Variants in KIFC3 observed in about 807,000 individuals in gnomAD.
KIFC3 encodes the protein kinesin family member C3.
KIFC3 carries 60 observed loss-of-function variants against 101.8 expected under a neutral mutation model. The observed-to-expected ratio is 0.59, with a 90% CI of 0.48 to 0.73. The LOEUF (loss-of-function observed/expected upper bound fraction) is 0.73. Among genes scored for constraint, KIFC3 ranks in the 30% least tolerant of loss-of-function variants. KIFC3 has a pLI of 0.00. For missense variants in KIFC3, 966 were observed against 1,137.1 expected (o/e 0.85, Z 2.16); for synonymous variants, 476 against 482.7 (o/e 0.99, Z 0.18).
chr16:57,797,993 G>T (rs1451165082), intron 2 of KIFC3, 79 bp downstream of exon 2: 4 of 1,548,476 alleles, frequency 2.6e-6, no homozygotes, highest in Non-Finnish European at 3.5e-6. Flanking sequence ...CTTAGGAACC[G>T]GTGAGAAACC....
chr16:57,788,812 C>T, intron 3 of KIFC3: 1 of 1,171,150 alleles, frequency 8.5e-7, no homozygotes, highest in Non-Finnish European at 1.1e-6. Flanking sequence ...GCAAGGATCC[C>T]AGGGCCCAGC....
chr16:57,767,849 A>C (rs192894195), intron 9 of KIFC3, among the ~76,000 whole-genome samples: 134 of 151,900 alleles, frequency 8.8e-4, no homozygotes, highest in African/African-American at 3.0e-3. Context: ...GTTTTTTTAT[A>C]TTTTTTTGTA....
intron 1 of KIFC3, 192 bp from the exon 2 acceptor site, chr16:57,798,474 G>T: frequency 3.3e-6 from 2 of 608,160 alleles, no homozygotes; most frequent in East Asian, 2.9e-5. Context: ...CCTTTTGGGG[G>T]TATTTGTTTC....
At chr16:57,841,184 C>T (rs2055803118) in intron 1 of KIFC3, among the ~76,000 whole-genome samples, 1 of 152,118 alleles carries the variant, frequency 6.6e-6, no homozygotes, top group Non-Finnish European at 1.5e-5. Flanking sequence ...AAAAATAATT[C>T]AAAGGAGGAC....
intron 4 of KIFC3, 149 bp downstream of exon 4, chr16:57,772,074 G>A (rs927550721): frequency 2.7e-5 from 19 of 703,836 alleles, no homozygotes; most frequent in Admixed American, 7.4e-5. Context: ...GGTACTAGGA[G>A]GTGGGGATAA....
At chr16:57,770,112 C>A (rs1287236593) in intron 7 of KIFC3, among the ~76,000 whole-genome samples, 157 bp from the exon 8 acceptor site, 1 of 152,206 alleles carries the variant, frequency 6.6e-6, no homozygotes, top group African/African-American at 2.4e-5. Flanking sequence ...TGTCTCCCTC[C>A]CCCTACAGGG....
At chr16:57,799,902 G>A (rs1226991068) in intron 1 of KIFC3, among the ~76,000 whole-genome samples, 3 of 152,158 alleles carry the variant, frequency 2.0e-5, no homozygotes, top group Non-Finnish European at 4.4e-5. Context: ...CAGGCAGAAA[G>A]CCTGAGCCTG....
intron 3 of KIFC3, chr16:57,776,305 A>G (rs1443351312): frequency 4.1e-6 from 4 of 985,338 alleles, no homozygotes; most frequent in Non-Finnish European, 4.8e-6. Flanking sequence ...GAGCCCACAG[A>G]AGGCCTGATC....
chr16:57,832,437 C>T (rs1232060423), intron 1 of KIFC3, among the ~76,000 whole-genome samples: 1 of 149,602 alleles, frequency 6.7e-6, no homozygotes, highest in Admixed American at 6.8e-5. Flanking sequence ...GATTCTCCTG[C>T]CTGAGCCTCC....
At chr16:57,836,049 G>GAACA (rs2055678821) in intron 1 of KIFC3, among the ~76,000 whole-genome samples, 2 of 152,160 alleles carry the variant, frequency 1.3e-5, no homozygotes, top group Non-Finnish European at 2.9e-5. Context: ...GGGAAACCCA[G>GAACA]TCGCCAGCCT....
intron 13 of KIFC3, 103 bp from the exon 14 acceptor site, chr16:57,761,639 C>G: frequency 3.7e-6 from 5 of 1,362,098 alleles, no homozygotes; most frequent in Non-Finnish European, 5.1e-6. Flanking sequence ...CCCAGGAAGC[C>G]TTCTCCAGCC....
At chr16:57,805,567 C>A (rs1444778981), upstream of KIFC3, among the ~76,000 whole-genome samples, 2 of 152,026 alleles carry the variant, frequency 1.3e-5, no homozygotes, top group African/African-American at 4.8e-5. Flanking sequence ...GTGTCCAGAA[C>A]ACTGCAATTC....
At chr16:57,816,306 C>T (rs1555628781) in intron 1 of KIFC3, 11 of 1,217,628 alleles carry the variant, frequency 9.0e-6, no homozygotes, top group Admixed American at 2.3e-5. Flanking sequence ...TAAGGAAGTG[C>T]GGTGGGATCT....
chr16:57,817,982 T>C (rs1390206350), intron 1 of KIFC3, among the ~76,000 whole-genome samples: 1 of 152,110 alleles, frequency 6.6e-6, no homozygotes, highest in African/African-American at 2.4e-5. Flanking sequence ...CTTACAAAGC[T>C]TCTCCTGGCC....
At chr16:57,850,711 G>A (rs2056034984) in intron 1 of KIFC3, among the ~76,000 whole-genome samples, 1 of 151,360 alleles carries the variant, frequency 6.6e-6, no homozygotes, top group African/African-American at 2.4e-5. Flanking sequence ...CCCGACCTCA[G>A]GTGACCCACC....
At chr16:57,810,314 T>G (rs926510814) in intron 1 of KIFC3, among the ~76,000 whole-genome samples, 31 of 152,256 alleles carry the variant, frequency 2.0e-4, no homozygotes, top group African/African-American at 7.5e-4. Flanking sequence ...CCACTGCTGC[T>G]GCTGCCTTTA....
intron 11 of KIFC3, among the ~76,000 whole-genome samples, chr16:57,764,722 T>C (rs573212194): frequency 2.6e-5 from 4 of 151,866 alleles, no homozygotes; most frequent in Non-Finnish European, 4.4e-5. Flanking sequence ...CCTCAGGGGG[T>C]TGGGGGATTC....
chr16:57,774,705 T>A (rs552775520), intron 3 of KIFC3: 15 of 363,226 alleles, frequency 4.1e-5, no homozygotes, highest in Non-Finnish European at 5.7e-5. Flanking sequence ...TTTTTTTTTT[T>A]AATGTATAGA....
At position 57,771,538 on chromosome 16, in the gene KIFC3, C is replaced by T; in HGVS notation, c.525+5G>A. The T allele has an allele frequency of 1.9e-6, 3 of 1,612,370 alleles. No homozygotes were observed. Among genetic ancestry groups the T allele is most frequent in the Middle Eastern group, 1.7e-4 (1 of 6,058 alleles). ...CAGCATGGGGACCACGGCCATTCTG[C>T]TCACCTGGCTGTGCTCACAACCTGG... is the stretch of plus-strand genomic sequence containing the variant. On this transcript the variant is annotated splice_donor_5th_base_variant and intron_variant, in intron 5 of 19. Transcript: ENST00000445690.
Sources: gnomAD v4.1 joint callset for allele counts (sites outside exome capture counted in the v4.1 genomes callset) on GRCh38, gnomAD v4.1.1 for gene constraint, MANE v1.5 for transcripts, NCBI Gene and HGNC (gene_info 2026-07-23, HGNC 2026-07-21) for gene names.